Variants in TOP6BL observed in about 807,000 individuals in gnomAD.
The protein encoded by TOP6BL is type 2 DNA topoisomerase 6 subunit B-like.
chr11:66,803,979 G>C, the TOP6BL span: 1 of 1,574,482 alleles, frequency 6.4e-7, no homozygotes, highest in African/African-American at 1.4e-5. Flanking sequence ...AATTTGACTT[G>C]TCTGTTTTCT....
the TOP6BL span, among the ~76,000 whole-genome samples, chr11:66,761,064 A>G: frequency 2.0e-5 from 3 of 151,924 alleles, no homozygotes; most frequent in Non-Finnish European, 4.4e-5. Context: ...TCTAGAAATA[A>G]TAGATTTGTA....
chr11:66,772,453 A>G, the TOP6BL span, among the ~76,000 whole-genome samples: 2 of 149,750 alleles, frequency 1.3e-5, no homozygotes, highest in Admixed American at 1.3e-4. Context: ...CCTCGGAGAC[A>G]GAGCAAGACC....
chr11:66,812,339 G>C, the TOP6BL span, among the ~76,000 whole-genome samples: 1 of 152,046 alleles, frequency 6.6e-6, no homozygotes, highest in African/African-American at 2.4e-5. Flanking sequence ...ACTACGCCCG[G>C]CTAATTTTTT....
chr11:66,762,627 C>T, the TOP6BL span, among the ~76,000 whole-genome samples: 1 of 152,266 alleles, frequency 6.6e-6, no homozygotes, highest in East Asian at 1.9e-4. Context: ...CGCACCACCA[C>T]GCCCAGCTAT....
chr11:66,788,685 T>C, the TOP6BL span, among the ~76,000 whole-genome samples: 2 of 152,324 alleles, frequency 1.3e-5, no homozygotes, highest in Admixed American at 6.5e-5. Flanking sequence ...CTTACATGGC[T>C]TTTTTTCTGC....
the TOP6BL span, among the ~76,000 whole-genome samples, chr11:66,809,512 C>T: frequency 6.6e-6 from 1 of 152,086 alleles, no homozygotes; most frequent in Admixed American, 6.6e-5. Flanking sequence ...ACGTTCTTAG[C>T]AGGATATACT....
the TOP6BL span, among the ~76,000 whole-genome samples, chr11:66,786,027 G>A: frequency 6.6e-6 from 1 of 152,132 alleles, no homozygotes; most frequent in Admixed American, 6.5e-5. Context: ...GGCCAGATAT[G>A]GTGGCTTACA....
the TOP6BL span, among the ~76,000 whole-genome samples, chr11:66,790,467 A>T: frequency 1.3e-5 from 2 of 152,186 alleles, no homozygotes; most frequent in Non-Finnish European, 2.9e-5. Context: ...GATGAGACTG[A>T]AAAACAGATT....
the TOP6BL span, among the ~76,000 whole-genome samples, chr11:66,795,071 T>C: frequency 6.7e-6 from 1 of 148,336 alleles, no homozygotes; most frequent in Non-Finnish European, 1.5e-5. Context: ...GAGGCAGAGG[T>C]TGCAGTGAGC....
At chr11:66,758,282 G>A in the TOP6BL span, 1 of 145,370 alleles carries the variant, frequency 6.9e-6, no homozygotes. Context: ...ATTCTTACCT[G>A]ATACTGGTAT....
At chr11:66,755,715 G>A in the TOP6BL span, among the ~76,000 whole-genome samples, 1 of 152,146 alleles carries the variant, frequency 6.6e-6, no homozygotes, top group Non-Finnish European at 1.5e-5. Context: ...CCAAAATCAA[G>A]GTCTTGGTAT....
the TOP6BL span, among the ~76,000 whole-genome samples, chr11:66,795,355 G>A: frequency 1.4e-5 from 2 of 147,192 alleles, no homozygotes; most frequent in Non-Finnish European, 3.0e-5. Context: ...AGGCTGGAGT[G>A]CAGGGGCACC....
At chr11:66,804,938 G>C in the TOP6BL span, among the ~76,000 whole-genome samples, 3 of 152,110 alleles carry the variant, frequency 2.0e-5, no homozygotes, top group Admixed American at 6.6e-5. Context: ...ATGGTGGCAG[G>C]CGCCTGTAAT....
the TOP6BL span, among the ~76,000 whole-genome samples, chr11:66,824,370 C>G: frequency 6.6e-6 from 1 of 151,070 alleles, no homozygotes; most frequent in South Asian, 2.1e-4. Context: ...CTCAGCCTCC[C>G]AAGTAGCTGG....
the TOP6BL span, among the ~76,000 whole-genome samples, chr11:66,822,974 G>A: frequency 2.6e-5 from 4 of 150,948 alleles, no homozygotes; most frequent in African/African-American, 9.8e-5. Context: ...ACTCCAGCCT[G>A]GGCAACAGAC....
the TOP6BL span, among the ~76,000 whole-genome samples, chr11:66,824,896 G>A: frequency 5.9e-5 from 9 of 151,874 alleles, no homozygotes; most frequent in East Asian, 9.8e-4. Context: ...GAATAGTGCC[G>A]CAATAAACAT....
the TOP6BL span, among the ~76,000 whole-genome samples, chr11:66,831,528 C>A: frequency 6.6e-6 from 1 of 151,832 alleles, no homozygotes; most frequent in South Asian, 2.1e-4. Flanking sequence ...ATTGCACTTA[C>A]ATATAATTCT....
At chr11:66,790,815 G>A in the TOP6BL span, among the ~76,000 whole-genome samples, 1 of 152,176 alleles carries the variant, frequency 6.6e-6, no homozygotes, top group South Asian at 2.1e-4. Flanking sequence ...CTAAGTTATT[G>A]CTTAGGCTAG....
At chr11:66,787,087 C>G in the TOP6BL span, among the ~76,000 whole-genome samples, 1 of 152,010 alleles carries the variant, frequency 6.6e-6, no homozygotes, top group Admixed American at 6.6e-5. Context: ...GAGCATGCCA[C>G]CACACCTGGC....
Sources: allele counts gnomAD v4.1 joint callset (sites outside exome capture counted in the v4.1 genomes callset), GRCh38; gene constraint gnomAD v4.1.1; transcripts MANE v1.5; gene names NCBI Gene and HGNC (gene_info 2026-07-23, HGNC 2026-07-21).